ELMO1: variants seen among roughly 807,000 people sequenced by gnomAD.
ELMO1 encodes engulfment and cell motility 1, also known as engulfment and cell motility protein 1.
In ELMO1, 26 loss-of-function variants were observed where a neutral mutation model predicts 98.9. That is an observed-to-expected ratio of 0.26 (90% confidence interval 0.19 to 0.36). The LOEUF is 0.36. Ranked by LOEUF, ELMO1 falls within the 10% of genes least tolerant of loss-of-function variation. The pLI, the probability that ELMO1 is intolerant of heterozygous loss-of-function variation, is 1.00. For missense variants in ELMO1, 627 were observed against 935.2 expected (o/e 0.67, Z 4.30); for synonymous variants, 346 against 346.0 (o/e 1.00, Z 0.00).
At chr7:36,967,187 T>C (rs1421075592) in intron 16 of ELMO1, among the ~76,000 whole-genome samples, 1 of 152,174 alleles carries the variant, frequency 6.6e-6, no homozygotes, top group Non-Finnish European at 1.5e-5. Flanking sequence ...ATATAAGAAA[T>C]ACATGCTCTA....
chr7:36,970,219 ACG>A (rs1476347095), intron 16 of ELMO1, among the ~76,000 whole-genome samples: 2 of 149,140 alleles, frequency 1.3e-5, no homozygotes, highest in African/African-American at 4.9e-5. Flanking sequence ...ACACACACAC[ACG>A]CACACCAAGG....
intron 4 of ELMO1, among the ~76,000 whole-genome samples, chr7:37,310,693 G>A (rs1433374252): frequency 6.6e-6 from 1 of 152,088 alleles, no homozygotes; most frequent in Non-Finnish European, 1.5e-5. Context: ...CCAAAGAAAG[G>A]GCATCATAAA....
intron 16 of ELMO1, among the ~76,000 whole-genome samples, chr7:36,942,570 T>G (rs1415507804): frequency 6.6e-6 from 1 of 152,246 alleles, no homozygotes; most frequent in Non-Finnish European, 1.5e-5. Context: ...GGACGTTTTC[T>G]TTGGCGTAGA....
chr7:37,375,719 A>G lies in ELMO1; in HGVS notation c.-73-32956T>C. On this transcript the variant is annotated intron_variant, in intron 1 of 21. Transcript: ENST00000310758. ...GTGAAGGAACAGTTTGCCTGGAGACACTTCTACTGGTACCTTACCAATGAG... is the reference window on the plus strand; with the variant it reads ...GTGAAGGAACAGTTTGCCTGGAGACGCTTCTACTGGTACCTTACCAATGAG... 5 of 1,251,108 alleles carry G rather than the reference A, an allele frequency of 4.0e-6. No individual in the cohort carries two copies. In the South Asian group the frequency reaches 6.0e-5, roughly 15 times the overall value. 77.5% of individuals were successfully genotyped at this position (1,251,108 alleles called of 1,614,324 possible). A position where few individuals can be genotyped will look rare whatever the true frequency, so the allele number is the denominator to read the frequency against.
At chr7:36,962,599 G>A (rs1480323865) in intron 16 of ELMO1, among the ~76,000 whole-genome samples, 2 of 144,842 alleles carry the variant, frequency 1.4e-5, no homozygotes, top group African/African-American at 5.0e-5. Flanking sequence ...GGTAGGTGTT[G>A]AGTAAACAGA....
chr7:37,061,472 C>A (rs1796663549), intron 15 of ELMO1, among the ~76,000 whole-genome samples: 1 of 152,158 alleles, frequency 6.6e-6, no homozygotes, highest in Non-Finnish European at 1.5e-5. Flanking sequence ...ATGGTGGTAG[C>A]ACTTACTGAC....
rs376082129 is a variant in ELMO1, at chr7:36,870,402, T to C, written c.1896A>G (p.Lys632=). Residue 632 remains lysine (K), a synonymous_variant, in exon 20 of 22, where the codon AAA becomes AAG. Coordinates refer to ENST00000310758, the MANE Select transcript of ELMO1 (RefSeq NM_014800.11). The surrounding 1 kb of genome is among the most constrained non-coding windows in gnomAD (Gnocchi z 4.4). ...AATTTGGAAATCATACCTTGTTTTGTTTAAGGGCACCTTTCTCTTTCATAT... is the reference window on the plus strand; with the variant it reads ...AATTTGGAAATCATACCTTGTTTTGCTTAAGGGCACCTTTCTCTTTCATAT... ...CPHMKEKGAL[K]QNKEVLELAF... 2.0e-5 allele frequency: 32 copies of C among 1,614,140 alleles called. No homozygotes were observed. Among genetic ancestry groups the C allele is most frequent in the Non-Finnish European group, 2.7e-5 (32 of 1,179,996 alleles).
intron 6 of ELMO1, among the ~76,000 whole-genome samples, chr7:37,247,362 G>A (rs1338981581): frequency 6.6e-6 from 1 of 152,094 alleles, no homozygotes; most frequent in African/African-American, 2.4e-5. Context: ...GTCACAGCAG[G>A]TCATTTCAGC....
intron 8 of ELMO1, among the ~76,000 whole-genome samples, chr7:37,229,598 T>C (rs1201098869): frequency 6.6e-6 from 1 of 152,176 alleles, no homozygotes; most frequent in African/African-American, 2.4e-5. Flanking sequence ...GCCCATTTCC[T>C]AGTCGATTTT....
intron 15 of ELMO1, among the ~76,000 whole-genome samples, chr7:37,066,805 C>T (rs113873551): frequency 0.02 from 2,969 of 152,206 alleles, 42 homozygotes; most frequent in Non-Finnish European, 0.029. Context: ...ATAAAGAGAA[C>T]ATTGGACTCA....
intron 1 of ELMO1, among the ~76,000 whole-genome samples, chr7:37,406,304 C>A (rs1346105440): frequency 6.6e-6 from 1 of 151,016 alleles, no homozygotes; most frequent in African/African-American, 2.4e-5. Flanking sequence ...ATTCCACCCT[C>A]ATGGCAAATA....
chr7:37,335,087 G>A (rs1258304085), intron 2 of ELMO1, among the ~76,000 whole-genome samples: 1 of 152,094 alleles, frequency 6.6e-6, no homozygotes, highest in Non-Finnish European at 1.5e-5. Context: ...TATTTCAAGA[G>A]AAGTGAGCAT....
In ELMO1 at chr7:37,133,642, C is replaced by T. The variant is rs376485463; in HGVS notation, c.1087-408G>A. Among the ~76,000 whole-genome samples the T allele has an allele frequency of 3.9e-5, 6 of 152,264 alleles. No homozygotes were observed. The East Asian group carries it at 1.2e-3, about 29-fold the overall frequency. On this transcript the variant is annotated intron_variant, in intron 13 of 21. Transcript: ENST00000310758. Reference sequence around the variant, plus strand: ...AATTTGGAAGCTGACTCCAAGGAAACCACGACCTACCCACACCTTGACTCC... The same window carrying T: ...AATTTGGAAGCTGACTCCAAGGAAATCACGACCTACCCACACCTTGACTCC...
intron 15 of ELMO1, among the ~76,000 whole-genome samples, chr7:37,014,044 A>G (rs1002746470): frequency 1.3e-5 from 2 of 152,166 alleles, no homozygotes; most frequent in Non-Finnish European, 2.9e-5. Context: ...ATAGCTTTGA[A>G]GGCGGCAACT....
At chr7:37,153,954 C>T (rs1302603386) in intron 13 of ELMO1, among the ~76,000 whole-genome samples, 3 of 152,094 alleles carry the variant, frequency 2.0e-5, no homozygotes, top group Admixed American at 6.5e-5. Flanking sequence ...ACAAAGCTTC[C>T]AGAGGAAGGA....
chr7:37,242,635 G>T (rs1794817156), intron 7 of ELMO1, among the ~76,000 whole-genome samples: 1 of 152,224 alleles, frequency 6.6e-6, no homozygotes, highest in Non-Finnish European at 1.5e-5. Context: ...TGAAGTGAGT[G>T]ACAGCTGACA....
intron 16 of ELMO1, among the ~76,000 whole-genome samples, chr7:36,961,059 C>T (rs796830104): frequency 5.9e-5 from 9 of 152,098 alleles, no homozygotes; most frequent in African/African-American, 2.2e-4. Flanking sequence ...TCTAAACTGG[C>T]GCAAGACCAA....
At position 37,015,169 on chromosome 7, in the gene ELMO1, T is replaced by G. The variant is rs527310022; in HGVS notation, c.1301-1734A>C. The stretch of plus-strand genomic sequence containing the variant: ...TTTTCCTCCAGATAAAGTAAGGGCA[T>G]GGGCCTGGAGCAATGCACAGTCCTG... On this transcript the variant is annotated intron_variant, in intron 15 of 21. Transcript: ENST00000310758. Among the ~76,000 whole-genome samples, 3 of 151,136 alleles carry G rather than the reference T, an allele frequency of 2.0e-5. No homozygotes were observed. In the South Asian group the frequency reaches 6.3e-4, roughly 32 times the overall value.
At chr7:36,971,501 G>A (rs374677225) in intron 16 of ELMO1, among the ~76,000 whole-genome samples, 12 of 152,246 alleles carry the variant, frequency 7.9e-5, no homozygotes, top group African/African-American at 2.6e-4. Context: ...GACTTAATTC[G>A]TTACATTTTT....
Sources: gnomAD v4.1 joint callset for allele counts (sites outside exome capture counted in the v4.1 genomes callset) on GRCh38, gnomAD v4.1.1 for gene constraint, Gnocchi (gnomAD v3.1) non-coding constraint, MANE v1.5 for transcripts, NCBI Gene and HGNC (gene_info 2026-07-23, HGNC 2026-07-21) for gene names.